Variants in MYADML2 observed in about 807,000 individuals in gnomAD.
MYADML2 encodes myeloid associated differentiation marker like 2.
Under a neutral mutation model 16.0 loss-of-function variants are expected in MYADML2, and 17 were observed. That is an observed-to-expected ratio of 1.06 (90% CI 0.73 to 1.60). The LOEUF (loss-of-function observed/expected upper bound fraction) is 1.60, where lower values mean the gene tolerates loss of function less well. Ranked by LOEUF, MYADML2 falls within the 40% of genes most tolerant of loss-of-function variation. The probability of loss-of-function intolerance (pLI) is 0.00; values close to 1 mark genes in which losing one functional copy is unlikely to be tolerated. For synonymous variants in MYADML2, 210 were observed against 208.1 expected (o/e 1.01, Z -0.08); for missense variants, 422 against 437.7 (o/e 0.96, Z 0.32).
chr17:81,945,582 A>G (rs9899253), intron 1 of MYADML2, among the ~76,000 whole-genome samples: 77,300 of 150,324 alleles, frequency 0.51, 20,866 homozygotes, highest in Non-Finnish European at 0.6. Context: ...CATGCCTGTA[A>G]TCTCAGTTAC....
At chr17:81,941,971 T>C in intron 2 of MYADML2, 128 bp from the exon 3 acceptor site, 2 of 477,046 alleles carry the variant, frequency 4.2e-6, no homozygotes, top group Non-Finnish European at 3.7e-6. Context: ...CTTGCGTGCC[T>C]GTCCCCATCT....
Position 81,941,246 on chromosome 17 carries a change from G to T in MYADML2, c.496C>A (p.Leu166Ile), listed in dbSNP as rs757647538. The T allele has an allele frequency of 8.4e-6, 13 of 1,550,150 alleles. No homozygotes were observed. In the South Asian group the frequency reaches 1.4e-4, roughly 17 times the overall value. ...ACGAAGGCCTGGACGATCTTGAGGA[G>T]CCCCGACACCGTGGCCATATAGCTG... ...VSSYMATVSG[L>I]LKIVQAFVAC... Residue 166 changes from leucine (L) to isoleucine (I), a missense_variant, in exon 3 of 3, where the codon CTC becomes ATC. By Grantham distance (5) the Leu-to-Ile change is conservative (BLOSUM62 2). Transcript: ENST00000409745.
chr17:81,940,743 G>T lies in MYADML2; in HGVS notation c.*75C>A. The T allele has an allele frequency of 2.1e-6, 3 of 1,422,298 alleles. No homozygotes were observed. The highest frequency in any genetic ancestry group is 1.5e-5 in the South Asian group (1 of 68,250). The allele number at this position is 1,422,298 out of a possible 1,614,324, so 88.1% of individuals were successfully genotyped here. ...CCTCCTGCTCGCTACTTGACACTTT[G>T]GTTCACCTGAGTTTCCCTCGCAGAG... is the stretch of plus-strand genomic sequence containing the variant. On this transcript the variant is annotated 3_prime_UTR_variant, in exon 3 of 3. Coordinates refer to ENST00000409745, the MANE Select transcript of MYADML2 (RefSeq NM_001145113.3).
At position 81,940,936 on chromosome 17, in the gene MYADML2, C is replaced by A; in HGVS notation, c.806G>T (p.Arg269Leu). Residue 269 changes from arginine to leucine, a missense_variant, in exon 3 of 3, where the codon CGG (arginine) becomes CTG (leucine). By Grantham distance (102) the Arg-to-Leu change is moderately radical. Transcript: ENST00000409745. Reference protein sequence around the residue: ...GEPKRPPNCARGSCPWDSQLV... With the variant: ...GEPKRPPNCALGSCPWDSQLV... Reference sequence around the variant, plus strand: ...CTGGCTGTCCCAGGGACAGCTGCCCCGAGCACAGTTGGGGGGCCGTTTGGG... The same window carrying A: ...CTGGCTGTCCCAGGGACAGCTGCCCAGAGCACAGTTGGGGGGCCGTTTGGG... 6.5e-7 allele frequency: 1 copy of A among 1,550,194 alleles called. No homozygotes were observed. The highest frequency in any genetic ancestry group is 8.7e-7 in the Non-Finnish European group (1 of 1,146,642).
chr17:81,941,438 C>T lies in MYADML2; in HGVS notation c.304G>A (p.Ala102Thr). The change falls in exon 3 of 3, where the codon GCT (alanine) becomes ACT (threonine). Residue 102 changes from alanine (A) to threonine (T), a missense_variant. Transcript: ENST00000409745. ...AMLATLLCAT[A>T]AVLYPLYFAR... ...AAGTACAGCGGATACAGGACCGCAGCCGTCGCGCATAGCAGGGTGGCCAGC... is the reference window on the plus strand; with the variant it reads ...AAGTACAGCGGATACAGGACCGCAGTCGTCGCGCATAGCAGGGTGGCCAGC... 1.3e-6 allele frequency: 2 copies of T among 1,549,452 alleles called. No individual in the cohort carries two copies. The highest frequency in any genetic ancestry group is 8.7e-7 in the Non-Finnish European group (1 of 1,146,660).
intron 1 of MYADML2, among the ~76,000 whole-genome samples, chr17:81,946,128 G>C (rs1449939544): frequency 2.0e-5 from 3 of 152,060 alleles, no homozygotes; most frequent in Admixed American, 2.0e-4. Flanking sequence ...GCTGAGGCAG[G>C]CAGATCACCT....
At position 81,941,062 on chromosome 17, in the gene MYADML2, A is replaced by G. The variant is rs1170537672; in HGVS notation, c.680T>C (p.Phe227Ser). 1.9e-6 allele frequency: 3 copies of G among 1,550,446 alleles called. No individual in the cohort carries two copies. The highest frequency in any genetic ancestry group is 1.7e-6 in the Non-Finnish European group (2 of 1,146,996). The change falls in exon 3 of 3, where the codon TTT becomes TCT. Residue 227 changes from phenylalanine (F) to serine (S), a missense_variant. Physicochemically the swap from Phe to Ser is radical, Grantham distance 155. Transcript: ENST00000409745. ...MGHTGGLGCP[F>S]DRLVVVYTFL... is the part of the protein sequence containing the mutation. Reference sequence around the variant, plus strand: ...GGTGTACACCACCACCAGCCGGTCAAAGGGGCAGCCCAGGCCCCCTGTGTG... The same window carrying G: ...GGTGTACACCACCACCAGCCGGTCAGAGGGGCAGCCCAGGCCCCCTGTGTG...
chr17:81,941,598 G>A lies in MYADML2; in HGVS notation c.144C>T (p.Gly48=), dbSNP rs1214917610. ...SLVAHRGGFA[G]VQGTFCMAAW... ...CGGCCATGCAGAAGGTGCCCTGGAC[G>A]CCCGCAAAGCCACCCCGGTGGGCCA... The change falls in exon 3 of 3, where the codon GGC becomes GGT. Residue 48 remains glycine (G), a synonymous_variant. Transcript: ENST00000409745. The A allele has an allele frequency of 1.0e-5, 16 of 1,548,496 alleles. No homozygotes were observed. The African/African-American group carries it at 1.4e-4, about 13-fold the overall frequency.
chr17:81,944,959 C>T (rs774082026), intron 1 of MYADML2, among the ~76,000 whole-genome samples: 17 of 152,178 alleles, frequency 1.1e-4, no homozygotes, highest in Non-Finnish European at 2.2e-4. Flanking sequence ...CTTTGTCACA[C>T]ATGGGGAAAC....
In MYADML2 at chr17:81,943,136, C is replaced by T. The variant is rs758873446; in HGVS notation, c.-180-763G>A. On this transcript the variant is annotated intron_variant, in intron 1 of 2. Coordinates refer to ENST00000409745, the MANE Select transcript of MYADML2 (RefSeq NM_001145113.3). Reference sequence around the variant, plus strand: ...TCAGGCTGGAGTACAGTGGCGTGATCTCTGCTCACTGCAAGCTCCGCCTCC... The same window carrying T: ...TCAGGCTGGAGTACAGTGGCGTGATTTCTGCTCACTGCAAGCTCCGCCTCC... Among the ~76,000 whole-genome samples the T allele has an allele frequency of 1.9e-3, 288 of 150,728 alleles. 2 individuals are homozygous for T. Among genetic ancestry groups the T allele is most frequent in the Non-Finnish European group, 3.4e-3 (228 of 67,882 alleles).
chr17:81,941,145 G>T lies in MYADML2; in HGVS notation c.597C>A (p.Ala199=). 1 of 1,550,226 alleles carries T rather than the reference G, an allele frequency of 6.5e-7. No individual in the cohort carries two copies. The highest frequency in any genetic ancestry group is 8.7e-7 in the Non-Finnish European group (1 of 1,146,952). Residue 199 remains alanine (A), a synonymous_variant, in exon 3 of 3, where the codon GCC becomes GCA. Coordinates refer to ENST00000409745, the MANE Select transcript of MYADML2 (RefSeq NM_001145113.3). ...TGGCCAGGAAGCACAGGCTGTAGAC[G>T]GCCACGCACCACTGGGTGGCCACGT... The part of the protein sequence containing the change: ...GRYVATQWCV[A]VYSLCFLATV...
Position 81,940,960 on chromosome 17 carries a change from G to A in MYADML2, c.782C>T (p.Pro261Leu), listed in dbSNP as rs1453312253. Residue 261 changes from proline (P) to leucine (L), a missense_variant, in exon 3 of 3, where the codon CCC becomes CTC. By Grantham distance (98) the Pro-to-Leu change is moderately conservative. Transcript: ENST00000409745. ...VFCFDPKYGEPKRPPNCARGS... is the reference protein window; with the variant it reads ...VFCFDPKYGELKRPPNCARGS... ...CCGAGCACAGTTGGGGGGCCGTTTG[G>A]GCTCACCGTACTTGGGATCGAAACA... is the stretch of plus-strand genomic sequence containing the variant. 1 of 1,550,542 alleles carries A rather than the reference G, an allele frequency of 6.4e-7. No individual in the cohort carries two copies. The highest frequency in any genetic ancestry group is 8.7e-7 in the Non-Finnish European group (1 of 1,146,972).
In MYADML2 at chr17:81,940,927, C is replaced by G; in HGVS notation, c.815G>C (p.Cys272Ser). ...KRPPNCARGS[C>S]PWDSQLVVAI... ...CACCACCAGCTGGCTGTCCCAGGGACAGCTGCCCCGAGCACAGTTGGGGGG... is the reference window on the plus strand; with the variant it reads ...CACCACCAGCTGGCTGTCCCAGGGAGAGCTGCCCCGAGCACAGTTGGGGGG... The change falls in exon 3 of 3, where the codon TGT becomes TCT. Residue 272 changes from cysteine to serine, a missense_variant. Transcript: ENST00000409745. 1 of 1,549,790 alleles carries G rather than the reference C, an allele frequency of 6.5e-7. No individual in the cohort carries two copies. The highest frequency in any genetic ancestry group is 8.7e-7 in the Non-Finnish European group (1 of 1,146,326).
At chr17:81,946,805 G>A (rs1038365204) in intron 1 of MYADML2, among the ~76,000 whole-genome samples, 3 of 151,942 alleles carry the variant, frequency 2.0e-5, no homozygotes, top group African/African-American at 4.8e-5. Context: ...GTGAAATCCC[G>A]TCTCTACTAA....
Position 81,940,748 on chromosome 17 carries a change from A to G in MYADML2, c.*70T>C. 1 of 1,436,894 alleles carries G rather than the reference A, an allele frequency of 7.0e-7. No homozygotes were observed. Among genetic ancestry groups the G allele is most frequent in the Non-Finnish European group, 9.2e-7 (1 of 1,083,448 alleles). 89.0% of individuals were successfully genotyped at this position (1,436,894 alleles called of 1,614,324 possible). A position where few individuals can be genotyped will look rare whatever the true frequency, so the allele number is the denominator to read the frequency against. On this transcript the variant is annotated 3_prime_UTR_variant, in exon 3 of 3. Coordinates refer to ENST00000409745, the MANE Select transcript of MYADML2 (RefSeq NM_001145113.3). ...TGCTCGCTACTTGACACTTTGGTTC[A>G]CCTGAGTTTCCCTCGCAGAGCCTGG...
rs374862138 is a variant in MYADML2 at position 81,942,984 on chromosome 17, A to G, written c.-180-611T>C. 6.6e-6 allele frequency among the ~76,000 whole-genome samples: 1 copy of G among 151,588 alleles called. No homozygotes were observed. Among genetic ancestry groups the G allele is most frequent in the African/African-American group, 2.4e-5 (1 of 41,206 alleles). On this transcript the variant is annotated intron_variant, in intron 1 of 2. Transcript: ENST00000409745. The surrounding 1 kb of genome is among the most constrained non-coding windows in gnomAD (Gnocchi z 4.4). ...CCTCAGCCTTTTTATTTATTTACTT[A>G]TTTATTTATTTAACCACTTGCACTC...
chr17:81,941,180 A>C lies in MYADML2; in HGVS notation c.562T>G (p.Tyr188Asp). 6.5e-7 allele frequency: 1 copy of C among 1,550,224 alleles called. No homozygotes were observed. Among genetic ancestry groups the C allele is most frequent in the South Asian group, 1.2e-5 (1 of 84,064 alleles). Residue 188 changes from tyrosine to aspartate, a missense_variant, in exon 3 of 3, where the codon TAC becomes GAC. Tyr to Asp is a radical substitution (Grantham distance 160). Transcript: ENST00000409745. The stretch of plus-strand genomic sequence containing the variant: ...CACTGGGTGGCCACGTAGCGCCCGT[A>C]GCGGCTGTCATGGACCAGCGCCCCG... ...IFGALVHDSRYGRYVATQWCV... is the reference protein window; with the variant it reads ...IFGALVHDSRDGRYVATQWCV...
Position 81,941,396 on chromosome 17 carries a change from A to G in MYADML2, c.346T>C (p.Ser116Pro), listed in dbSNP as rs4796856. The change falls in exon 3 of 3, where the codon TCC becomes CCC. Residue 116 changes from serine (S) to proline (P), a missense_variant. By Grantham distance (74) the Ser-to-Pro change is moderately conservative. Transcript: ENST00000409745. ...YPLYFARREC[S>P]PEPAGCAARD... is the part of the protein sequence containing the mutation. ...GCAGCACAGCCGGCGGGCTCGGGGG[A>G]ACACTCCCGCCGGGCAAAGTACAGC... is the stretch of plus-strand genomic sequence containing the variant. 927,408 of 1,548,600 alleles carry G rather than the reference A, an allele frequency of 0.6. 280,453 individuals carry two copies. Among genetic ancestry groups the G allele is most frequent in the African/African-American group, 0.67 (48,927 of 73,082 alleles).
chr17:81,941,421 C>T lies in MYADML2; in HGVS notation c.321G>A (p.Pro107=), dbSNP rs1363236926. The change falls in exon 3 of 3, where the codon CCG becomes CCA. Residue 107 remains proline (P), a synonymous_variant. Coordinates refer to ENST00000409745, the MANE Select transcript of MYADML2 (RefSeq NM_001145113.3). ...LLCATAAVLY[P]LYFARRECSP... Reference sequence around the variant, plus strand: ...AACACTCCCGCCGGGCAAAGTACAGCGGATACAGGACCGCAGCCGTCGCGC... The same window carrying T: ...AACACTCCCGCCGGGCAAAGTACAGTGGATACAGGACCGCAGCCGTCGCGC... 1.4e-5 allele frequency: 22 copies of T among 1,549,160 alleles called. No homozygotes were observed. The Middle Eastern group carries it at 5.0e-4, about 35-fold the overall frequency.
Sources: gnomAD v4.1 joint callset for allele counts (sites outside exome capture counted in the v4.1 genomes callset) on GRCh38, gnomAD v4.1.1 for gene constraint, Gnocchi (gnomAD v3.1) non-coding constraint, MANE v1.5 for transcripts, NCBI Gene and HGNC (gene_info 2026-07-23, HGNC 2026-07-21) for gene names.